Variants in BAZ2B observed in about 807,000 individuals in gnomAD.
BAZ2B encodes bromodomain adjacent to zinc finger domain protein 2B.
Under a neutral mutation model 246.0 loss-of-function variants are expected in BAZ2B, and 91 were observed. That is an observed-to-expected ratio of 0.37 (90% CI 0.31 to 0.44). The LOEUF is 0.44. Among genes scored for constraint, BAZ2B ranks in the 20% least tolerant of loss-of-function variants. BAZ2B has a pLI of 1.00. For missense variants in BAZ2B, 2,332 were observed against 2,533.7 expected (o/e 0.92, Z 1.71); for synonymous variants, 855 against 860.0 (o/e 0.99, Z 0.10).
At chr2:159,699,910 C>A in the BAZ2B span, among the ~76,000 whole-genome samples, 1 of 152,182 alleles carries the variant, frequency 6.6e-6, no homozygotes, top group Admixed American at 6.5e-5. Context: ...CTACTCTCTG[C>A]TTTCAAGATG....
At chr2:159,652,485 C>G in the BAZ2B span, among the ~76,000 whole-genome samples, 2 of 152,142 alleles carry the variant, frequency 1.3e-5, no homozygotes, top group African/African-American at 4.8e-5. Flanking sequence ...GCTGAGATTA[C>G]AGGCGTGAGC....
At chr2:159,423,702 C>T (rs1006683188) in intron 13 of BAZ2B, among the ~76,000 whole-genome samples, 57 of 152,212 alleles carry the variant, frequency 3.7e-4, no homozygotes, top group Admixed American at 9.2e-4. Context: ...AGAATGATAT[C>T]TTATCCTTTG....
chr2:159,364,410 C>T (rs1028137315), intron 27 of BAZ2B, among the ~76,000 whole-genome samples: 3 of 151,950 alleles, frequency 2.0e-5, no homozygotes, highest in South Asian at 2.1e-4. Context: ...TTTTTCTTTT[C>T]GAGACAGGGT....
At chr2:159,342,003 A>C (rs973761149) in intron 31 of BAZ2B, among the ~76,000 whole-genome samples, 2 of 152,232 alleles carry the variant, frequency 1.3e-5, no homozygotes, top group Admixed American at 1.3e-4. Context: ...AGTAGAAGGA[A>C]AGAAACAATA....
intron 34 of BAZ2B, among the ~76,000 whole-genome samples, chr2:159,328,006 A>T (rs1199138438): frequency 7.0e-6 from 1 of 142,054 alleles, no homozygotes; most frequent in Non-Finnish European, 1.5e-5. Context: ...TGGAGGTTGC[A>T]GTGAGCTGAG....
At chr2:159,519,210 CTTTTTTTTTTTTTTTTT>C (rs564614568) in intron 2 of BAZ2B, among the ~76,000 whole-genome samples, 1 of 57,770 alleles carries the variant, frequency 1.7e-5, no homozygotes, top group African/African-American at 6.0e-5. Flanking sequence ...ATTCTATTTT[CTTTTTTTTTTTTTTTTT>C]TTTTTTTTTT....
rs545610642 is a variant in BAZ2B, at chr2:159,599,645, A to C, written c.-46+16597T>G. ...AAAAAAAAAAAGAAAAAAGAAAAAAAGAAATCTGGGGCCTGGCATGGTGGC... is the reference window on the plus strand; with the variant it reads ...AAAAAAAAAAAGAAAAAAGAAAAAACGAAATCTGGGGCCTGGCATGGTGGC... On this transcript the variant is annotated intron_variant, in intron 1 of 36. Transcript: ENST00000392783. Among the ~76,000 whole-genome samples the C allele has an allele frequency of 5.9e-4, 88 of 149,988 alleles. 1 individual carries two copies. The highest frequency in any genetic ancestry group is 2.0e-3 in the African/African-American group (82 of 40,806).
chr2:159,691,850 C>CTTAA, the BAZ2B span, among the ~76,000 whole-genome samples: 1 of 152,152 alleles, frequency 6.6e-6, no homozygotes, highest in Non-Finnish European at 1.5e-5. Flanking sequence ...ATCATAAGGA[C>CTTAA]TTTTAAGCAT....
At chr2:159,622,047 G>A in the BAZ2B span, among the ~76,000 whole-genome samples, 4 of 151,568 alleles carry the variant, frequency 2.6e-5, no homozygotes. Flanking sequence ...CGGAGGTTGC[G>A]GTGACCCGAG....
chr2:159,477,043 C>T (rs984180381), intron 3 of BAZ2B, among the ~76,000 whole-genome samples: 5 of 152,244 alleles, frequency 3.3e-5, no homozygotes, highest in South Asian at 4.1e-4. Context: ...CGGTGGCTCA[C>T]GCCTGTAATC....
intron 2 of BAZ2B, among the ~76,000 whole-genome samples, chr2:159,496,092 T>C (rs1468339008): frequency 6.7e-6 from 1 of 149,404 alleles, no homozygotes; most frequent in Non-Finnish European, 1.5e-5. Flanking sequence ...TTTAAAAAAT[T>C]AGGCTGAGCA....
chr2:159,689,272 T>C, the BAZ2B span: 4 of 471,188 alleles, frequency 8.5e-6, no homozygotes, highest in Non-Finnish European at 1.1e-5. Context: ...CTTTAACACC[T>C]GTCTCATCCC....
chr2:159,616,875 C>T (rs1421771433), upstream of BAZ2B: 3 of 152,054 alleles, frequency 2.0e-5, no homozygotes, highest in East Asian at 1.9e-4. Context: ...ATAGGTCAAC[C>T]ATCTCCACCT....
chr2:159,649,241 T>C, the BAZ2B span, among the ~76,000 whole-genome samples: 61,010 of 151,800 alleles, frequency 0.4, 12,770 homozygotes, highest in African/African-American at 0.5. Context: ...CTCACCATAA[T>C]GTAGAATGAG....
intron 2 of BAZ2B, among the ~76,000 whole-genome samples, chr2:159,554,738 A>G (rs2151463793): frequency 6.6e-6 from 1 of 152,276 alleles, no homozygotes; most frequent in South Asian, 2.1e-4. Flanking sequence ...AATTTGGTAG[A>G]AATTTATTTA....
chr2:159,654,698 G>C, the BAZ2B span, among the ~76,000 whole-genome samples: 2 of 152,286 alleles, frequency 1.3e-5, no homozygotes, highest in Non-Finnish European at 2.9e-5. Flanking sequence ...CTACAGGCCG[G>C]GCATGGTGGC....
At chr2:159,450,458 C>T (rs542011104) in intron 4 of BAZ2B, among the ~76,000 whole-genome samples, 22 of 150,716 alleles carry the variant, frequency 1.5e-4, no homozygotes, top group Middle Eastern at 3.5e-3. Context: ...AATAACCTGA[C>T]ACCACAGAAG....
the BAZ2B span, among the ~76,000 whole-genome samples, chr2:159,709,156 A>G: frequency 6.6e-6 from 1 of 151,478 alleles, no homozygotes; most frequent in African/African-American, 2.4e-5. Context: ...AAAAAAAAAA[A>G]GAAGCAGGGA....
At chr2:159,655,166 G>A in the BAZ2B span, among the ~76,000 whole-genome samples, 1 of 152,162 alleles carries the variant, frequency 6.6e-6, no homozygotes, top group Non-Finnish European at 1.5e-5. Context: ...GAAAGAGGCT[G>A]AGGCAGGTGA....
Sources: gnomAD v4.1 joint callset for allele counts (sites outside exome capture counted in the v4.1 genomes callset) on GRCh38, gnomAD v4.1.1 for gene constraint, MANE v1.5 for transcripts, NCBI Gene and HGNC (gene_info 2026-07-23, HGNC 2026-07-21) for gene names.